ZNF521: variants seen among roughly 807,000 people sequenced by gnomAD.
ZNF521 encodes LYST-interacting protein 3.
In ZNF521, 14 loss-of-function variants were observed where a neutral mutation model predicts 105.5. The observed-to-expected ratio is 0.13, with a 90% CI of 0.09 to 0.21. The LOEUF (loss-of-function observed/expected upper bound fraction) is 0.21. ZNF521 is among the 10% of genes least tolerant of loss of function. ZNF521 has a pLI of 1.00. For missense variants in ZNF521, 1,233 were observed against 1,629.7 expected (o/e 0.76, Z 4.19); for synonymous variants, 635 against 606.0 (o/e 1.05, Z -0.70).
chr18:25,334,044 C>T (rs1253789347), intron 2 of ZNF521, among the ~76,000 whole-genome samples: 1 of 152,172 alleles, frequency 6.6e-6, no homozygotes, highest in South Asian at 2.1e-4. Flanking sequence ...TCCAAGATTT[C>T]ACCAGCAATG....
chr18:25,233,495 T>C lies in ZNF521; in HGVS notation c.221-5798A>G, dbSNP rs145593633. On this transcript the variant is annotated intron_variant, in intron 3 of 7. Coordinates refer to ENST00000361524, the MANE Select transcript of ZNF521 (RefSeq NM_015461.3). ...TCACAGATGCTTTTAAATTCTGTAA[T>C]ATTTTGAACTGTTCTAGAAGGACCA... 4.9e-3 allele frequency among the ~76,000 whole-genome samples: 740 copies of C among 152,298 alleles called. 7 individuals are homozygous for C. The highest frequency in any genetic ancestry group is 0.017 in the African/African-American group (693 of 41,564).
At chr18:25,108,730 T>C (rs1230475394) in intron 5 of ZNF521, among the ~76,000 whole-genome samples, 1 of 152,060 alleles carries the variant, frequency 6.6e-6, no homozygotes, top group Non-Finnish European at 1.5e-5. Flanking sequence ...GTTCAAGTGA[T>C]TCTCCTGCCT....
intron 4 of ZNF521, among the ~76,000 whole-genome samples, chr18:25,198,127 T>C (rs2035933091): frequency 6.6e-6 from 1 of 151,672 alleles, no homozygotes; most frequent in Admixed American, 6.6e-5. Flanking sequence ...AAAAGAGACT[T>C]TTTTTTTCAT....
chr18:25,351,020 CTCGGGCCGCGGCGCCTCGCGCCCT>C (rs1361706936), intron 1 of ZNF521, 73 bp from the exon 2 acceptor site: 9 of 1,305,352 alleles, frequency 6.9e-6, no homozygotes, highest in East Asian at 3.4e-5. Context: ...CCGCGCGCCC[CTCGGGCCGCGGCGCCTCGCGCCCT>C]CCGCTCGGCC....
chr18:25,099,274 T>A (rs555444768), intron 5 of ZNF521, among the ~76,000 whole-genome samples: 59 of 152,306 alleles, frequency 3.9e-4, no homozygotes, highest in African/African-American at 1.4e-3. Context: ...TAAAACAATA[T>A]CTATTGTTTG....
At chr18:25,191,122 C>T (rs1488060979) in intron 5 of ZNF521, among the ~76,000 whole-genome samples, 1 of 152,044 alleles carries the variant, frequency 6.6e-6, no homozygotes, top group East Asian at 1.9e-4. Context: ...TTTTACAAAA[C>T]GGGGTATCCT....
intron 4 of ZNF521, among the ~76,000 whole-genome samples, chr18:25,220,002 C>G (rs1905601022): frequency 6.6e-6 from 1 of 152,094 alleles, no homozygotes; most frequent in Non-Finnish European, 1.5e-5. Flanking sequence ...CTTGGATACA[C>G]TATTTGGAGA....
intron 3 of ZNF521, among the ~76,000 whole-genome samples, chr18:25,247,307 C>A (rs996559552): frequency 6.6e-6 from 1 of 152,136 alleles, no homozygotes; most frequent in African/African-American, 2.4e-5. Context: ...TCTTGTCGAA[C>A]ATATAATAGC....
At chr18:25,338,059 C>T (rs1913988051) in intron 2 of ZNF521, among the ~76,000 whole-genome samples, 1 of 152,134 alleles carries the variant, frequency 6.6e-6, no homozygotes, top group South Asian at 2.1e-4. Flanking sequence ...TTAAGATTGG[C>T]CCAGTTAGCT....
intron 3 of ZNF521, among the ~76,000 whole-genome samples, chr18:25,265,172 C>T (rs993290361): frequency 6.6e-6 from 1 of 152,196 alleles, no homozygotes; most frequent in African/African-American, 2.4e-5. Flanking sequence ...GCACCATCCT[C>T]TGTTCTGAAC....
chr18:25,074,212 T>C (rs2033303019), intron 7 of ZNF521, among the ~76,000 whole-genome samples: 1 of 152,252 alleles, frequency 6.6e-6, no homozygotes, highest in Non-Finnish European at 1.5e-5. Context: ...TGTTTGCCTT[T>C]GATCTTTCTG....
intron 3 of ZNF521, among the ~76,000 whole-genome samples, chr18:25,230,469 G>A (rs1336875613): frequency 6.6e-6 from 1 of 152,108 alleles, no homozygotes; most frequent in African/African-American, 2.4e-5. Context: ...CATACTCTGA[G>A]GTCTACCTAA....
At chr18:25,203,735 G>C (rs1425978497) in intron 4 of ZNF521, among the ~76,000 whole-genome samples, 1 of 151,998 alleles carries the variant, frequency 6.6e-6, no homozygotes, top group Non-Finnish European at 1.5e-5. Flanking sequence ...AGAAAAGGAA[G>C]AGAAAAGAAA....
Position 25,257,078 on chromosome 18 carries a change from G to C in ZNF521, c.221-29381C>G, listed in dbSNP as rs191188385. On this transcript the variant is annotated intron_variant, in intron 3 of 7. Coordinates refer to ENST00000361524, the MANE Select transcript of ZNF521 (RefSeq NM_015461.3). Reference sequence around the variant, plus strand: ...ATGGGGAGACTACCGTAGATCACTGGGGTAGCAACGCAGGATGGGACTCCC... The same window carrying C: ...ATGGGGAGACTACCGTAGATCACTGCGGTAGCAACGCAGGATGGGACTCCC... Among the ~76,000 whole-genome samples the C allele has an allele frequency of 1.4e-3, 211 of 152,186 alleles. 1 individual carries two copies. Among genetic ancestry groups the C allele is most frequent in the Non-Finnish European group, 1.9e-3 (127 of 68,000 alleles).
intron 3 of ZNF521, among the ~76,000 whole-genome samples, chr18:25,314,759 C>T (rs1912510892): frequency 6.6e-6 from 1 of 152,198 alleles, no homozygotes. Flanking sequence ...TATGCCCAGG[C>T]AATTCACATT....
intron 5 of ZNF521, among the ~76,000 whole-genome samples, chr18:25,177,828 C>G (rs1388316084): frequency 6.6e-6 from 1 of 152,196 alleles, no homozygotes; most frequent in Non-Finnish European, 1.5e-5. Context: ...GACCTCACAT[C>G]CAGACCCAGA....
chr18:25,071,202 G>A (rs964043235), intron 7 of ZNF521, among the ~76,000 whole-genome samples: 3 of 152,190 alleles, frequency 2.0e-5, no homozygotes, highest in African/African-American at 7.2e-5. Flanking sequence ...CTGTACTGCA[G>A]TAAATATATA....
At chr18:25,136,267 T>C (rs566571593) in intron 5 of ZNF521, among the ~76,000 whole-genome samples, 2 of 152,326 alleles carry the variant, frequency 1.3e-5, no homozygotes, top group South Asian at 4.1e-4. Flanking sequence ...TACTTCTATA[T>C]AGTCCCTATT....
intron 7 of ZNF521, among the ~76,000 whole-genome samples, chr18:25,074,489 A>G (rs1003311891): frequency 6.6e-6 from 1 of 151,914 alleles, no homozygotes; most frequent in Non-Finnish European, 1.5e-5. Context: ...TGAAAATTTC[A>G]GGTCTCTTTC....
Sources: gnomAD v4.1 joint callset for allele counts (sites outside exome capture counted in the v4.1 genomes callset) on GRCh38, gnomAD v4.1.1 for gene constraint, MANE v1.5 for transcripts, NCBI Gene and HGNC (gene_info 2026-07-23, HGNC 2026-07-21) for gene names.